Variants in ALMS1 observed in about 807,000 individuals in gnomAD.
ALMS1 encodes ALMS1 centrosome and basal body associated protein, also known as centrosome-associated protein ALMS1.
ALMS1 carries 271 observed loss-of-function variants against 352.2 expected under a neutral mutation model. That is an observed-to-expected ratio of 0.77 (90% CI 0.70 to 0.85). The LOEUF (loss-of-function observed/expected upper bound fraction) is 0.85, where lower values mean the gene tolerates loss of function less well. Ranked by LOEUF, ALMS1 falls within the 40% of genes least tolerant of loss-of-function variation. The probability of loss-of-function intolerance (pLI) is 0.00; values close to 1 mark genes in which losing one functional copy is unlikely to be tolerated. For missense variants in ALMS1, 5,445 were observed against 4,870.7 expected, an observed-to-expected ratio of 1.12 and a Z score of -3.51; for synonymous variants, 1,865 against 1,761.2, an observed-to-expected ratio of 1.06 and a Z score of -1.48.
chr2:73,517,431 G>T (rs1167016501), intron 10 of ALMS1, among the ~76,000 whole-genome samples: 3 of 150,774 alleles, frequency 2.0e-5, no homozygotes, highest in African/African-American at 7.3e-5. Flanking sequence ...TTTATGTTTT[G>T]TAGAGACGAT....
intron 15 of ALMS1, among the ~76,000 whole-genome samples, chr2:73,569,518 C>T (rs1048338485): frequency 2.0e-5 from 3 of 152,116 alleles, no homozygotes; most frequent in Non-Finnish European, 2.9e-5. Flanking sequence ...AGGTATCCTT[C>T]CTGAAATACA....
intron 15 of ALMS1, among the ~76,000 whole-genome samples, chr2:73,561,275 C>A (rs1674656760): frequency 6.6e-6 from 1 of 152,162 alleles, no homozygotes; most frequent in Admixed American, 6.5e-5. Context: ...TCACTAGTTA[C>A]AGAGAACAGG....
chr2:73,425,982 AAC>A (rs548090443), intron 5 of ALMS1, among the ~76,000 whole-genome samples: 21 of 152,288 alleles, frequency 1.4e-4, no homozygotes, highest in African/African-American at 4.8e-4. Context: ...GTCTTGGCAA[AAC>A]ACAGTCAGCT....
chr2:73,465,865 G>C (rs375629772), intron 9 of ALMS1, among the ~76,000 whole-genome samples: 13 of 151,098 alleles, frequency 8.6e-5, no homozygotes, highest in East Asian at 3.9e-4. Context: ...ATTTATGCAG[G>C]CAAAAAACAC....
chr2:73,478,133 T>A (rs922037538), intron 9 of ALMS1, among the ~76,000 whole-genome samples: 1 of 152,148 alleles, frequency 6.6e-6, no homozygotes, highest in African/African-American at 2.4e-5. Flanking sequence ...GTTAAAGAAA[T>A]CCCTTCCATT....
chr2:73,517,532 G>A (rs939086414), intron 10 of ALMS1, among the ~76,000 whole-genome samples: 16 of 151,628 alleles, frequency 1.1e-4, no homozygotes, highest in Admixed American at 8.5e-4. Context: ...ACAGATGTGA[G>A]GCACTGTGCC....
chr2:73,556,686 T>C (rs1674551284), intron 13 of ALMS1, among the ~76,000 whole-genome samples: 1 of 150,958 alleles, frequency 6.6e-6, no homozygotes, highest in Non-Finnish European at 1.5e-5. Flanking sequence ...AAGGAACAGA[T>C]TTTTTTTAGA....
intron 7 of ALMS1, among the ~76,000 whole-genome samples, chr2:73,438,426 A>G (rs1332469700): frequency 1.3e-5 from 2 of 152,236 alleles, no homozygotes; most frequent in Non-Finnish European, 2.9e-5. Flanking sequence ...TACAAGATAA[A>G]TTGGAAACAA....
At chr2:73,512,515 G>A (rs1335844784) in intron 10 of ALMS1, among the ~76,000 whole-genome samples, 1 of 151,244 alleles carries the variant, frequency 6.6e-6, no homozygotes, top group Non-Finnish European at 1.5e-5. Context: ...CTATCTATAT[G>A]TTTTCTATTA....
At chr2:73,460,498 G>A (rs2103811201) in intron 9 of ALMS1, among the ~76,000 whole-genome samples, 1 of 152,338 alleles carries the variant, frequency 6.6e-6, no homozygotes, top group Non-Finnish European at 1.5e-5. Context: ...CCGGTCTACA[G>A]CTCCCAGTGT....
intron 1 of ALMS1, among the ~76,000 whole-genome samples, chr2:73,390,427 T>C (rs1245165251): frequency 3.3e-5 from 5 of 152,244 alleles, no homozygotes; most frequent in Non-Finnish European, 7.3e-5. Flanking sequence ...CAATTTACTC[T>C]CATATCTCAC....
intron 1 of ALMS1, among the ~76,000 whole-genome samples, chr2:73,396,351 G>A (rs1295243257): frequency 2.0e-5 from 3 of 150,464 alleles, no homozygotes; most frequent in Non-Finnish European, 3.0e-5. Flanking sequence ...CTTGTATTTT[G>A]TTTAGAGTTA....
chr2:73,570,824 C>T (rs1239726168), intron 15 of ALMS1, among the ~76,000 whole-genome samples: 1 of 152,116 alleles, frequency 6.6e-6, no homozygotes, highest in Non-Finnish European at 1.5e-5. Flanking sequence ...GCAGCTGCCT[C>T]AGGACATCCA....
intron 15 of ALMS1, among the ~76,000 whole-genome samples, chr2:73,560,379 A>G (rs770374550): frequency 6.6e-6 from 1 of 152,216 alleles, no homozygotes; most frequent in South Asian, 2.1e-4. Context: ...GACCACTATC[A>G]AAAGAAAAAA....
intron 9 of ALMS1, among the ~76,000 whole-genome samples, chr2:73,460,481 A>C (rs902639159): frequency 2.0e-5 from 3 of 152,212 alleles, no homozygotes; most frequent in Admixed American, 1.3e-4. Context: ...GCCAAATAGG[A>C]ACAGCTCCGG....
chr2:73,492,705 T>TA lies in ALMS1; in HGVS notation c.9539+1212dup, dbSNP rs1242278231. Among the ~76,000 whole-genome samples, 4 of 152,196 alleles carry TA rather than the reference T, an allele frequency of 2.6e-5. No individual in the cohort carries two copies. In the East Asian group the frequency reaches 5.8e-4, roughly 22 times the overall value. On this transcript the variant is annotated intron_variant, in intron 10 of 22. Coordinates refer to ENST00000613296, the MANE Select transcript of ALMS1 (RefSeq NM_001378454.1). ...CAAGGTCAATCTCTGATTTCAATGT[T>TA]AAAAATAGTAGAGTGCCATAGAGAT...
chr2:73,609,002 C>T (rs1432991552), intron 22 of ALMS1, among the ~76,000 whole-genome samples: 2 of 152,228 alleles, frequency 1.3e-5, no homozygotes, highest in African/African-American at 2.4e-5. Flanking sequence ...GGTCAGAGGC[C>T]TCCAACTTGT....
chr2:73,564,008 T>C (rs575189001), intron 15 of ALMS1, among the ~76,000 whole-genome samples: 2 of 151,898 alleles, frequency 1.3e-5, no homozygotes, highest in South Asian at 2.1e-4. Flanking sequence ...CTGGGAATAA[T>C]ACAAGTAATG....
chr2:73,470,159 T>G (rs1310781262), intron 9 of ALMS1: 1 of 151,842 alleles, frequency 6.6e-6, no homozygotes, highest in East Asian at 1.9e-4. Context: ...AACAATTTAG[T>G]TGATTTCTTC....
Sources: gnomAD v4.1 joint callset for allele counts (sites outside exome capture counted in the v4.1 genomes callset) on GRCh38, gnomAD v4.1.1 for gene constraint, MANE v1.5 for transcripts, NCBI Gene and HGNC (gene_info 2026-07-23, HGNC 2026-07-21) for gene names.